Variants in IL18BP observed in about 807,000 individuals in gnomAD.
The protein encoded by IL18BP is interleukin 18 binding protein, also known as interleukin-18-binding protein.
A neutral mutation model predicts 19.9 loss-of-function variants in IL18BP; 23 were observed. That is an observed-to-expected ratio of 1.15 (90% CI 0.83 to 1.64). The LOEUF (loss-of-function observed/expected upper bound fraction) is 1.64. Ranked by LOEUF, IL18BP falls within the 40% of genes most tolerant of loss-of-function variation. IL18BP has a pLI of 0.00. For missense variants in IL18BP, 239 were observed against 240.7 expected, an observed-to-expected ratio of 0.99 and a Z score of 0.05; for synonymous variants, 107 against 101.0, an observed-to-expected ratio of 1.06 and a Z score of -0.35.
At position 72,001,447 on chromosome 11, in the gene IL18BP, G is replaced by C; in HGVS notation, c.402G>C (p.Leu134Phe). 1 of 1,614,228 alleles carries C rather than the reference G, an allele frequency of 6.2e-7. No homozygotes were observed. Among genetic ancestry groups the C allele is most frequent in the Non-Finnish European group, 8.5e-7 (1 of 1,180,046 alleles). Residue 134 changes from leucine (L) to phenylalanine (F), a missense_variant, in exon 5 of 6, where the codon TTG becomes TTC. Transcript: ENST00000393703. ...GSTGTQLCKA[L>F]VLEQLTPALH... ...CAGGTACGCAGCTGTGCAAGGCCTT[G>C]GTGCTGGAGCAGCTGACCCCTGCCC...
chr11:72,004,656 C>A (rs1955556046), downstream of IL18BP: 2 of 1,612,808 alleles, frequency 1.2e-6, no homozygotes, highest in Non-Finnish European at 1.7e-6. Context: ...AGTTCCAGGG[C>A]CCTGGTGGGG....
chr11:72,001,425 G>A lies in IL18BP; in HGVS notation c.380G>A (p.Gly127Asp). Reference sequence around the variant, plus strand: ...TCCAGCCGGGAACGTGGGAGCACAGGTACGCAGCTGTGCAAGGCCTTGGTG... The same window carrying A: ...TCCAGCCGGGAACGTGGGAGCACAGATACGCAGCTGTGCAAGGCCTTGGTG... The part of the protein sequence containing the change: ...GSTSRERGST[G>D]TQLCKALVLE... Residue 127 changes from glycine to aspartate, a missense_variant, in exon 5 of 6, where the codon GGT becomes GAT. By Grantham distance (94) the Gly-to-Asp change is moderately conservative. Coordinates refer to ENST00000393703, the MANE Select transcript of IL18BP (RefSeq NM_001039660.2). 6.2e-7 allele frequency: 1 copy of A among 1,614,228 alleles called. No individual in the cohort carries two copies. Among genetic ancestry groups the A allele is most frequent in the Non-Finnish European group, 8.5e-7 (1 of 1,180,030 alleles).
At position 71,998,966 on chromosome 11, in the gene IL18BP, T is replaced by G. The variant is rs1306328474; in HGVS notation, c.-112T>G. On this transcript the variant is annotated 5_prime_UTR_variant, in exon 1 of 6. Transcript: ENST00000393703. ...ACACAGCTAACTTGAGTCTTGGAGC[T>G]CCTAGAGGGAAGCTTCTGGAAAGGA... 1.4e-5 allele frequency: 4 copies of G among 279,890 alleles called. No homozygotes were observed. Among genetic ancestry groups the G allele is most frequent in the Non-Finnish European group, 2.9e-5 (4 of 138,384 alleles). 17.3% of individuals were successfully genotyped at this position (279,890 alleles called of 1,614,324 possible). A position where few individuals can be genotyped will look rare whatever the true frequency, so the allele number is the denominator to read the frequency against.
At chr11:72,007,970 G>A (rs1955860091), downstream of IL18BP, 1 of 385,704 alleles carries the variant, frequency 2.6e-6, no homozygotes, top group South Asian at 1.9e-5. Flanking sequence ...GTGGTGACAA[G>A]CCAAGAACTC....
chr11:72,003,797 G>T (rs1256618969), downstream of IL18BP: 2 of 1,365,488 alleles, frequency 1.5e-6, no homozygotes, highest in Non-Finnish European at 2.0e-6. Context: ...GCCTGGCGTG[G>T]CCCCATCTTG....
In IL18BP at chr11:72,001,956, G is replaced by A; in HGVS notation, c.*95G>A. ...AACAGTCCCTGACTGCCTGTAGGCT[G>A]CGTGGATGCGCAACACACCCCCTCC... On this transcript the variant is annotated 3_prime_UTR_variant, in exon 6 of 6. Transcript: ENST00000393703. 6.5e-7 allele frequency: 1 copy of A among 1,544,116 alleles called. No individual in the cohort carries two copies. Among genetic ancestry groups the A allele is most frequent in the South Asian group, 1.2e-5 (1 of 85,570 alleles).
downstream of IL18BP, chr11:72,005,309 T>A: frequency 6.2e-7 from 1 of 1,608,430 alleles, no homozygotes; most frequent in Non-Finnish European, 8.5e-7. Flanking sequence ...TGCAATGCGG[T>A]TCCAGTCATC....
At position 72,000,486 on chromosome 11, in the gene IL18BP, C is replaced by T; in HGVS notation, c.164C>T (p.Pro55Leu). ...RSTKDPCPSQ[P>L]PVFPAAKQCP... ...ACAAAGGACCCCTGCCCCTCCCAGC[C>T]CCCAGTGTTCCCAGCAGCTAAGCAG... The change falls in exon 3 of 6, where the codon CCC (proline) becomes CTC (leucine). Residue 55 changes from proline to leucine, a missense_variant. Physicochemically the swap from Pro to Leu is moderately conservative, Grantham distance 98 (BLOSUM62 -3). Transcript: ENST00000393703. 6.2e-7 allele frequency: 1 copy of T among 1,613,998 alleles called. No individual in the cohort carries two copies. Among genetic ancestry groups the T allele is most frequent in the East Asian group, 2.2e-5 (1 of 44,870 alleles).
chr11:71,999,007 T>TC lies in IL18BP; in HGVS notation c.-70dup. ...CTGGAAAGGAAGGCTCTTCAGGACC[T>TC]CTTAGGAGCCAGGTAGGAGTCTGGG... is the stretch of plus-strand genomic sequence containing the variant. On this transcript the variant is annotated 5_prime_UTR_variant, in exon 1 of 6. Coordinates refer to ENST00000393703, the MANE Select transcript of IL18BP (RefSeq NM_001039660.2). The TC allele has an allele frequency of 2.8e-6, 1 of 352,076 alleles. No individual in the cohort carries two copies. Among genetic ancestry groups the TC allele is most frequent in the Non-Finnish European group, 5.7e-6 (1 of 176,662 alleles). The allele number at this position is 352,076 out of a possible 1,614,324, so 21.8% of individuals were successfully genotyped here.
downstream of IL18BP, chr11:72,007,260 G>C: frequency 6.2e-7 from 1 of 1,613,096 alleles, no homozygotes; most frequent in Non-Finnish European, 8.5e-7. Context: ...CCCGAGTCCA[G>C]GAAGACGTCT....
chr11:72,000,223 T>A, intron 2 of IL18BP, 128 bp from the exon 3 acceptor site: 1 of 940,446 alleles, frequency 1.1e-6, no homozygotes. Flanking sequence ...GGGTGGGTGC[T>A]GAGGGGTCCC....
intron 1 of IL18BP, 180 bp downstream of exon 1, chr11:71,999,199 C>T (rs758780119): frequency 5.9e-6 from 3 of 504,386 alleles, no homozygotes; most frequent in Non-Finnish European, 4.0e-6. Context: ...GGCATTGAGC[C>T]TGAAGTGGTC....
At chr11:72,007,171 CT>C (rs1209698069), downstream of IL18BP, 7 of 1,604,070 alleles carry the variant, frequency 4.4e-6, no homozygotes, top group Non-Finnish European at 5.9e-6. Context: ...CCTGCAGCCC[CT>C]GTCCCAGCAG....
At chr11:72,006,867 C>T (rs908030126), downstream of IL18BP, among the ~76,000 whole-genome samples, 3 of 152,366 alleles carry the variant, frequency 2.0e-5, no homozygotes, top group Non-Finnish European at 4.4e-5. Context: ...CAATGCCTCT[C>T]AGCTGCATGG....
At chr11:72,003,344 C>A, downstream of IL18BP, 2 of 648,094 alleles carry the variant, frequency 3.1e-6, no homozygotes, top group Non-Finnish European at 5.6e-6. Context: ...TGGGCCAGCT[C>A]CGAGAAGGCG....
Position 72,002,058 on chromosome 11 carries a change from A to G in IL18BP, c.*197A>G. On this transcript the variant is annotated 3_prime_UTR_variant, in exon 6 of 6. Coordinates refer to ENST00000393703, the MANE Select transcript of IL18BP (RefSeq NM_001039660.2). ...ACCTAGAAAATCACAGCCTCCTTAT[A>G]ATGCCTCCTCCTCCTGCCATTCTCT... 1.4e-6 allele frequency: 1 copy of G among 715,662 alleles called. No homozygotes were observed. Among genetic ancestry groups the G allele is most frequent in the South Asian group, 1.9e-5 (1 of 53,810 alleles). The allele number at this position is 715,662 out of a possible 1,614,324, so 44.3% of individuals were successfully genotyped here.
At chr11:71,999,863 GAAAAGCCAGCTACTGAGA>G (rs1442695498) in intron 1 of IL18BP, 46 bp from the exon 2 acceptor site, 23 of 966,224 alleles carry the variant, frequency 2.4e-5, no homozygotes, top group South Asian at 6.2e-5. Context: ...AGCTACTGAG[GAAAAGCCAGCTACTGAGA>G]AAAAGCGGGA....
chr11:72,007,297 G>T (rs759123472), downstream of IL18BP: 63 of 1,613,242 alleles, frequency 3.9e-5, no homozygotes, highest in Non-Finnish European at 5.2e-5. Context: ...TGCTCTCCAG[G>T]GGGGCCTGAC....
chr11:72,006,067 G>A, downstream of IL18BP: 1 of 1,613,600 alleles, frequency 6.2e-7, no homozygotes, highest in Admixed American at 1.7e-5. Flanking sequence ...CCCGGCCTGG[G>A]AACGACGAGC....
Sources: allele counts gnomAD v4.1 joint callset (sites outside exome capture counted in the v4.1 genomes callset), GRCh38; gene constraint gnomAD v4.1.1; transcripts MANE v1.5; gene names NCBI Gene and HGNC (gene_info 2026-07-23, HGNC 2026-07-21).